The following MAN1A1 variants were observed in gnomAD, a reference collection of about 807,000 sequenced individuals.
MAN1A1 encodes mannosyl-oligosaccharide 1,2-alpha-mannosidase IA.
Under a neutral mutation model 70.8 loss-of-function variants are expected in MAN1A1, and 29 were observed. The ratio of observed to expected loss-of-function variants is 0.41; its 90% confidence interval spans 0.31 to 0.56. MAN1A1 has a LOEUF of 0.56. Ranked by LOEUF, MAN1A1 falls within the 20% of genes least tolerant of loss-of-function variation. MAN1A1 has a pLI of 0.29. For synonymous variants in MAN1A1, 349 were observed against 330.1 expected (o/e 1.06, Z -0.62); for missense variants, 747 against 841.3 (o/e 0.89, Z 1.39).
intron 6 of MAN1A1, among the ~76,000 whole-genome samples, chr6:119,230,883 G>A (rs1774657542): frequency 6.6e-6 from 1 of 152,188 alleles, no homozygotes; most frequent in Non-Finnish European, 1.5e-5. Flanking sequence ...CAACTCCATA[G>A]TATAGCTTAT....
chr6:119,252,152 TAATA>T (rs1775334935), intron 5 of MAN1A1, among the ~76,000 whole-genome samples: 1 of 152,362 alleles, frequency 6.6e-6, no homozygotes, highest in African/African-American at 2.4e-5. Context: ...GATGTTCATT[TAATA>T]AATAAATGAA....
Position 119,250,648 on chromosome 6 carries a change from C to CTCTGTGTGTGTG in MAN1A1, c.898-2295_898-2294insCACACACACAGA, listed in dbSNP as rs373911155. On this transcript the variant is annotated intron_variant, in intron 5 of 12. Coordinates refer to ENST00000368468, the MANE Select transcript of MAN1A1 (RefSeq NM_005907.4). ...CAGACTCCTCTCTCTTGTTCTCTCTCTGTGTGTGTGTGTGTGTGTGTGTGT... is the reference window on the plus strand; with the variant it reads ...CAGACTCCTCTCTCTTGTTCTCTCTCTCTGTGTGTGTGTGTGTGTGTGTGTGTGTGTGTGTGT... Among the ~76,000 whole-genome samples, 252 of 148,628 alleles carry CTCTGTGTGTGTG rather than the reference C, an allele frequency of 1.7e-3. 6 individuals carry two copies. The East Asian group carries it at 0.044, about 26-fold the overall frequency.
intron 2 of MAN1A1, among the ~76,000 whole-genome samples, chr6:119,322,082 A>G (rs1773025621): frequency 6.6e-6 from 1 of 152,138 alleles, no homozygotes; most frequent in Non-Finnish European, 1.5e-5. Flanking sequence ...AGCAGGGTGG[A>G]ACCTGTCCTA....
chr6:119,316,251 C>T (rs1772850985), intron 2 of MAN1A1, among the ~76,000 whole-genome samples: 1 of 142,456 alleles, frequency 7.0e-6, no homozygotes, highest in African/African-American at 2.6e-5. Context: ...GATCTTGGCT[C>T]ACTGCAATCT....
At chr6:119,215,941 GA>G (rs1485247705) in intron 6 of MAN1A1, among the ~76,000 whole-genome samples, 19 of 152,184 alleles carry the variant, frequency 1.2e-4, no homozygotes, top group Admixed American at 1.2e-3. Flanking sequence ...TAGAAGCAGA[GA>G]TCTTCAAGGT....
chr6:119,195,102 G>T (rs1773534953), intron 8 of MAN1A1, among the ~76,000 whole-genome samples: 1 of 152,156 alleles, frequency 6.6e-6, no homozygotes. Context: ...AAAGTGCTGG[G>T]ATTACAGACA....
At chr6:119,189,064 C>A (rs1017611665) in intron 10 of MAN1A1, among the ~76,000 whole-genome samples, 12 of 152,130 alleles carry the variant, frequency 7.9e-5, no homozygotes, top group Admixed American at 6.5e-4. Flanking sequence ...ATATAATATT[C>A]ATATACTTAA....
chr6:119,307,936 A>G (rs1045607889), intron 2 of MAN1A1, among the ~76,000 whole-genome samples: 1 of 152,180 alleles, frequency 6.6e-6, no homozygotes, highest in African/African-American at 2.4e-5. Context: ...TCATTTTATT[A>G]ATAACAAAGT....
intron 6 of MAN1A1, among the ~76,000 whole-genome samples, chr6:119,242,259 A>G (rs1226757521): frequency 6.6e-6 from 1 of 152,192 alleles, no homozygotes; most frequent in African/African-American, 2.4e-5. Context: ...TCGGCTGAAC[A>G]GTTCTAGTTT....
At chr6:119,309,270 G>A (rs908049139) in intron 2 of MAN1A1, among the ~76,000 whole-genome samples, 2 of 152,184 alleles carry the variant, frequency 1.3e-5, no homozygotes, top group African/African-American at 2.4e-5. Context: ...GTGTACACAT[G>A]CATAGAATAA....
At chr6:119,248,610 T>C (rs772628436) in intron 5 of MAN1A1, among the ~76,000 whole-genome samples, 1 of 152,226 alleles carries the variant, frequency 6.6e-6, no homozygotes, top group African/African-American at 2.4e-5. Context: ...ATGCTACTGA[T>C]GTGAACGTCT....
chr6:119,239,972 A>C (rs1156315312), intron 6 of MAN1A1, among the ~76,000 whole-genome samples: 2 of 152,242 alleles, frequency 1.3e-5, no homozygotes, highest in Non-Finnish European at 2.9e-5. Context: ...GCATTTGAAA[A>C]ACTTGAGATG....
At chr6:119,324,532 G>C (rs564634733) in intron 2 of MAN1A1, among the ~76,000 whole-genome samples, 5 of 152,136 alleles carry the variant, frequency 3.3e-5, no homozygotes, top group African/African-American at 4.8e-5. Context: ...GAACCTCACT[G>C]GAAAATTAGA....
chr6:119,234,241 T>A (rs1774774951), intron 6 of MAN1A1, among the ~76,000 whole-genome samples: 3 of 152,188 alleles, frequency 2.0e-5, no homozygotes, highest in Non-Finnish European at 4.4e-5. Flanking sequence ...TTAATGAAAA[T>A]ATTTGTGAAA....
intron 2 of MAN1A1, among the ~76,000 whole-genome samples, chr6:119,331,598 T>TATATATATATATATAA (rs1491119267): frequency 1.4e-5 from 2 of 142,506 alleles, no homozygotes; most frequent in Admixed American, 7.1e-5. Context: ...TATATATATA[T>TATATATATATATATAA]AATCAAGGGG....
intron 2 of MAN1A1, among the ~76,000 whole-genome samples, chr6:119,315,977 T>C (rs1315613171): frequency 4.6e-5 from 7 of 152,128 alleles, no homozygotes; most frequent in Non-Finnish European, 1.0e-4. Flanking sequence ...ACGGAAACTT[T>C]GAATTCATTA....
chr6:119,265,822 G>A (rs1033296920), intron 5 of MAN1A1, among the ~76,000 whole-genome samples: 6 of 152,098 alleles, frequency 3.9e-5, no homozygotes, highest in African/African-American at 1.4e-4. Flanking sequence ...GATTAGGAAA[G>A]AAGAAAAATA....
At chr6:119,213,878 T>C (rs955333463) in intron 6 of MAN1A1, among the ~76,000 whole-genome samples, 3 of 152,258 alleles carry the variant, frequency 2.0e-5, no homozygotes, top group African/African-American at 7.2e-5. Context: ...TTTCAATTTA[T>C]GTTTACCTTT....
At chr6:119,286,789 C>T (rs947641439) in intron 5 of MAN1A1, among the ~76,000 whole-genome samples, 4 of 152,076 alleles carry the variant, frequency 2.6e-5, no homozygotes, top group Non-Finnish European at 4.4e-5. Flanking sequence ...TTCTAAATGT[C>T]GTCTCTTAGC....
Sources: gnomAD v4.1 joint callset for allele counts (sites outside exome capture counted in the v4.1 genomes callset) on GRCh38, gnomAD v4.1.1 for gene constraint, MANE v1.5 for transcripts, NCBI Gene and HGNC (gene_info 2026-07-23, HGNC 2026-07-21) for gene names.